Variants in PDE2A observed in about 807,000 individuals in gnomAD.
The protein encoded by PDE2A is phosphodiesterase 2A.
A neutral mutation model predicts 133.6 loss-of-function variants in PDE2A; 53 were observed. The ratio of observed to expected loss-of-function variants is 0.40; its 90% CI spans 0.32 to 0.50. The LOEUF (loss-of-function observed/expected upper bound fraction) is 0.50, where lower values mean the gene tolerates loss of function less well. Ranked by LOEUF, PDE2A falls within the 20% of genes least tolerant of loss-of-function variation. The pLI is 0.73. For missense variants in PDE2A, 796 were observed against 1,232.4 expected, an observed-to-expected ratio of 0.65 and a Z score of 5.30; for synonymous variants, 491 against 490.2, an observed-to-expected ratio of 1.00 and a Z score of -0.02.
At chr11:72,673,247 C>A (rs1049067316) in intron 1 of PDE2A, among the ~76,000 whole-genome samples, 2 of 152,122 alleles carry the variant, frequency 1.3e-5, no homozygotes, top group African/African-American at 2.4e-5. Context: ...TGCAGACCAA[C>A]CTGCACTCAC....
In PDE2A at chr11:72,664,091, C is replaced by T. The variant is rs529648313; in HGVS notation, c.71+10046G>A. Among the ~76,000 whole-genome samples, 15 of 152,278 alleles carry T rather than the reference C, an allele frequency of 9.9e-5. No homozygotes were observed. The South Asian group carries it at 2.5e-3, about 25-fold the overall frequency. On this transcript the variant is annotated intron_variant, in intron 1 of 30. Transcript: ENST00000334456. Reference sequence around the variant, plus strand: ...GGGTATTCACCCCCTCACCCACCTGCCTCCTTTGACAAGCAGTGGCTGCAG... The same window carrying T: ...GGGTATTCACCCCCTCACCCACCTGTCTCCTTTGACAAGCAGTGGCTGCAG...
intron 25 of PDE2A, 23 bp downstream of exon 25, chr11:72,580,554 G>T: frequency 6.5e-7 from 1 of 1,544,822 alleles, no homozygotes; most frequent in Non-Finnish European, 8.8e-7. Flanking sequence ...GAAGAAGGAC[G>T]GGGTGGGACA....
intron 1 of PDE2A, among the ~76,000 whole-genome samples, chr11:72,672,677 G>C (rs1275209181): frequency 6.6e-6 from 1 of 151,958 alleles, no homozygotes; most frequent in Non-Finnish European, 1.5e-5. Context: ...CAGGGCCTTT[G>C]CTTATGCAGT....
chr11:72,653,133 G>A lies in PDE2A; in HGVS notation c.72-10807C>T, dbSNP rs568071857. Among the ~76,000 whole-genome samples, 26 of 152,182 alleles carry A rather than the reference G, an allele frequency of 1.7e-4. 1 individual carries two copies. The highest frequency in any genetic ancestry group is 6.0e-4 in the African/African-American group (25 of 41,428). ...GGTGCAGGGCGGAGGCCATTGTTTG[G>A]GGCTTCCGAGGCAGCCAGCAAGAGA... On this transcript the variant is annotated intron_variant, in intron 1 of 30. Coordinates refer to ENST00000334456, the MANE Select transcript of PDE2A (RefSeq NM_002599.5).
At chr11:72,600,640 C>T (rs185067673) in intron 4 of PDE2A, among the ~76,000 whole-genome samples, 3 of 152,284 alleles carry the variant, frequency 2.0e-5, no homozygotes, top group Admixed American at 1.3e-4. Context: ...CTCAGACCCC[C>T]GATAGCTCCT....
chr11:72,669,052 T>A, intron 1 of PDE2A: 1 of 702,248 alleles, frequency 1.4e-6, no homozygotes, highest in Non-Finnish European at 1.8e-6. Flanking sequence ...AGCTCTGCAC[T>A]TCCAGATTCT....
intron 1 of PDE2A, among the ~76,000 whole-genome samples, chr11:72,652,088 C>T (rs1282081706): frequency 6.6e-6 from 1 of 152,240 alleles, no homozygotes; most frequent in African/African-American, 2.4e-5. Context: ...GGGAGCCCCT[C>T]TCCTGGGACC....
chr11:72,584,360 G>C lies in PDE2A; in HGVS notation c.1538-47C>G, dbSNP rs369589027. 1.0e-5 allele frequency: 14 copies of C among 1,362,410 alleles called. No homozygotes were observed. The African/African-American group carries it at 1.9e-4, about 18-fold the overall frequency. 84.4% of individuals were successfully genotyped at this position (1,362,410 alleles called of 1,614,324 possible). A position where few individuals can be genotyped will look rare whatever the true frequency, so the allele number is the denominator to read the frequency against. On this transcript the variant is annotated intron_variant, in intron 18 of 30. Coordinates refer to ENST00000334456, the MANE Select transcript of PDE2A (RefSeq NM_002599.5). The stretch of plus-strand genomic sequence containing the variant: ...GGAACCACCGGTGGAGGGAGGGATC[G>C]GTTGGAGGGAGGGATCCGGCCGGGA...
At chr11:72,581,582 C>A in intron 22 of PDE2A, 103 bp from the exon 23 acceptor site, 1 of 1,304,420 alleles carries the variant, frequency 7.7e-7, no homozygotes, top group Non-Finnish European at 1.1e-6. Flanking sequence ...AGGGACCCTC[C>A]ACAGCCTTCC....
At chr11:72,650,488 CCACACCCTT>C (rs1456482429) in intron 1 of PDE2A, among the ~76,000 whole-genome samples, 1 of 152,106 alleles carries the variant, frequency 6.6e-6, no homozygotes, top group African/African-American at 2.4e-5. Context: ...TTCACTGATC[CCACACCCTT>C]CAAAGACTCC....
chr11:72,591,071 T>G, intron 7 of PDE2A: 1 of 533,594 alleles, frequency 1.9e-6, no homozygotes, highest in Non-Finnish European at 3.3e-6. Context: ...TTTGACCAGT[T>G]TTGTTTCACC....
chr11:72,652,772 G>C lies in PDE2A; in HGVS notation c.72-10446C>G, dbSNP rs996469030. 163 of 454,062 alleles carry C rather than the reference G, an allele frequency of 3.6e-4. 1 individual carries two copies. Among genetic ancestry groups the C allele is most frequent in the South Asian group, 2.3e-3 (147 of 64,360 alleles). 28.1% of individuals were successfully genotyped at this position (454,062 alleles called of 1,614,324 possible). On this transcript the variant is annotated intron_variant, in intron 1 of 30. Transcript: ENST00000334456. Reference sequence around the variant, plus strand: ...AGCAATTTCAACACAGCCCCTTCCAGCTCCCAAGCTTGTGCCTCTTGCAGC... The same window carrying C: ...AGCAATTTCAACACAGCCCCTTCCACCTCCCAAGCTTGTGCCTCTTGCAGC...
intron 2 of PDE2A, among the ~76,000 whole-genome samples, chr11:72,612,517 C>T (rs113501244): frequency 1.1e-3 from 172 of 152,294 alleles, no homozygotes; most frequent in Non-Finnish European, 1.4e-3. Context: ...TGTGGCCTTA[C>T]GCAACACCTT....
intron 2 of PDE2A, among the ~76,000 whole-genome samples, chr11:72,621,409 C>T (rs1243773053): frequency 6.6e-6 from 1 of 152,230 alleles, no homozygotes; most frequent in East Asian, 1.9e-4. Context: ...CAGCTTCAGT[C>T]CCTCTTACTC....
chr11:72,638,330 C>G, intron 2 of PDE2A, among the ~76,000 whole-genome samples: 1 of 152,226 alleles, frequency 6.6e-6, no homozygotes, highest in East Asian at 1.9e-4. Flanking sequence ...GACTGCCAAC[C>G]CTACATGGCA....
intron 2 of PDE2A, among the ~76,000 whole-genome samples, chr11:72,633,675 A>C (rs1442603328): frequency 6.6e-6 from 1 of 152,122 alleles, no homozygotes; most frequent in Non-Finnish European, 1.5e-5. Context: ...TGGAGGCCTG[A>C]GCTCTAGTCT....
chr11:72,615,919 G>T (rs944165935), intron 2 of PDE2A, among the ~76,000 whole-genome samples: 1 of 152,158 alleles, frequency 6.6e-6, no homozygotes, highest in Non-Finnish European at 1.5e-5. Context: ...AAGGGCCAAG[G>T]CCCTGCCACC....
intron 2 of PDE2A, chr11:72,635,919 TCTTTCGGCCACCCGAC>T: frequency 9.1e-7 from 1 of 1,104,334 alleles, no homozygotes; most frequent in Non-Finnish European, 1.2e-6. Flanking sequence ...CCCTCTCCAT[TCTTTCGGCCACCCGAC>T]CTTCCCGCTC....
Position 72,674,121 on chromosome 11 carries a change from C to T in PDE2A, c.71+16G>A. 1 of 1,612,044 alleles carries T rather than the reference C, an allele frequency of 6.2e-7. No individual in the cohort carries two copies. Among genetic ancestry groups the T allele is most frequent in the Non-Finnish European group, 8.5e-7 (1 of 1,178,840 alleles). On this transcript the variant is annotated intron_variant, in intron 1 of 30. Transcript: ENST00000334456. ...TCTCACAGCCGCTCACCACCCCAGC[C>T]CCTCACTATACTCACGGCTCAGCCG...
Sources: allele counts gnomAD v4.1 joint callset (sites outside exome capture counted in the v4.1 genomes callset), GRCh38; gene constraint gnomAD v4.1.1; transcripts MANE v1.5; gene names NCBI Gene and HGNC (gene_info 2026-07-23, HGNC 2026-07-21).